Variants in RYR2 observed in about 807,000 individuals in gnomAD.
The protein encoded by RYR2 is ryanodine receptor 2.
Under a neutral mutation model 601.1 loss-of-function variants are expected in RYR2, and 227 were observed. That is an observed-to-expected ratio of 0.38 (90% CI 0.34 to 0.42). The LOEUF is 0.42. Ranked by LOEUF, RYR2 falls within the 10% of genes least tolerant of loss-of-function variation. The pLI is 1.00. For synonymous variants in RYR2, 2,223 were observed against 2,175.1 expected (o/e 1.02, Z -0.61); for missense variants, 4,646 against 6,156.5 (o/e 0.75, Z 8.21).
At chr1:237,534,822 G>T (rs1378019829) in intron 25 of RYR2, among the ~76,000 whole-genome samples, 1 of 151,526 alleles carries the variant, frequency 6.6e-6, no homozygotes, top group Non-Finnish European at 1.5e-5. Context: ...TTAATATTTT[G>T]GTTTCATTTA....
intron 1 of RYR2, among the ~76,000 whole-genome samples, chr1:237,125,226 G>A (rs1390298581): frequency 5.3e-5 from 8 of 152,090 alleles, no homozygotes; most frequent in African/African-American, 1.9e-4. Flanking sequence ...CTGTGGAGAA[G>A]GTATTTTTAA....
In RYR2 at chr1:237,330,973, A is replaced by G. The variant is rs148850606; in HGVS notation, c.264A>G (p.Lys88=). ...LQEMLANTVE[K]SEGQVDVEKW... Reference sequence around the variant, plus strand: ...AGATGCTGGCTAACACCGTGGAGAAATCAGAAGGGGCAAGTACCCAATTTA... The same window carrying G: ...AGATGCTGGCTAACACCGTGGAGAAGTCAGAAGGGGCAAGTACCCAATTTA... The change falls in exon 3 of 105, where the codon AAA becomes AAG. Residue 88 remains lysine (K), a synonymous_variant. Transcript: ENST00000366574. The G allele has an allele frequency of 6.2e-7, 1 of 1,613,820 alleles. No homozygotes were observed. Among genetic ancestry groups the G allele is most frequent in the African/African-American group, 1.3e-5 (1 of 75,048 alleles).
rs1409270851 is a variant in RYR2 at position 237,106,367 on chromosome 1, G to T, written c.48+63798G>T. Among the ~76,000 whole-genome samples, 1 of 152,094 alleles carries T rather than the reference G, an allele frequency of 6.6e-6. No individual in the cohort carries two copies. Among genetic ancestry groups the T allele is most frequent in the African/African-American group, 2.4e-5 (1 of 41,412 alleles). Reference sequence around the variant, plus strand: ...GGTGGCACCGAGCAGCAGGACCCTGGATATTTTTTTGGACATAGAGCCAGG... The same window carrying T: ...GGTGGCACCGAGCAGCAGGACCCTGTATATTTTTTTGGACATAGAGCCAGG... On this transcript the variant is annotated intron_variant, in intron 1 of 104. Coordinates refer to ENST00000366574, the MANE Select transcript of RYR2 (RefSeq NM_001035.3). The surrounding 1 kb of genome is among the most constrained non-coding windows in gnomAD (Gnocchi z 4.4).
At chr1:237,151,302 TC>T (rs1412365946) in intron 1 of RYR2, among the ~76,000 whole-genome samples, 1 of 152,170 alleles carries the variant, frequency 6.6e-6, no homozygotes, top group Non-Finnish European at 1.5e-5. Flanking sequence ...ATGTGCCTGT[TC>T]CAGTAATGGA....
At chr1:237,299,656 C>A (rs1693155119) in intron 2 of RYR2, among the ~76,000 whole-genome samples, 1 of 152,064 alleles carries the variant, frequency 6.6e-6, no homozygotes, top group South Asian at 2.1e-4. Context: ...ATACTGCCGG[C>A]TAATAAAAAG....
intron 91 of RYR2, 102 bp downstream of exon 91, chr1:237,786,138 G>A (rs1184311496): frequency 2.7e-6 from 2 of 740,896 alleles, no homozygotes; most frequent in African/African-American, 1.8e-5. Flanking sequence ...ATCTCATATT[G>A]TCAAGGAGCC....
intron 36 of RYR2, 140 bp from the exon 37 acceptor site, chr1:237,613,899 A>G (rs1275503562): frequency 1.4e-6 from 1 of 730,256 alleles, no homozygotes; most frequent in Non-Finnish European, 2.2e-6. Flanking sequence ...AGCATTTCAG[A>G]TTAGGGATGT....
intron 2 of RYR2, among the ~76,000 whole-genome samples, chr1:237,277,904 ATGTT>A (rs1401430255): frequency 6.6e-6 from 1 of 152,130 alleles, no homozygotes; most frequent in African/African-American, 2.4e-5. Context: ...CCTTAACACT[ATGTT>A]TATTTGCTAT....
intron 29 of RYR2, among the ~76,000 whole-genome samples, chr1:237,580,155 C>CTTTTTTTT (rs58145628): frequency 0.015 from 1,756 of 116,410 alleles, 63 homozygotes; most frequent in East Asian, 0.033. Context: ...CACAACAATT[C>CTTTTTTTT]TTTTTTTTTT....
At chr1:237,782,423 G>A (rs1353252355) in intron 89 of RYR2, among the ~76,000 whole-genome samples, 1 of 152,154 alleles carries the variant, frequency 6.6e-6, no homozygotes, top group Admixed American at 6.5e-5. Context: ...TTGGTATTAC[G>A]GTGCCTATCA....
rs557950323 is a variant in RYR2, at chr1:237,364,224, G to GT, written c.295-125dup. On this transcript the variant is annotated intron_variant, in intron 4 of 104. Transcript: ENST00000366574. ...GTTTTGTTGCGATAACATGGTGAAT[G>GT]TTTTTTTTTATGTTTATTGTTTACA... The GT allele has an allele frequency of 5.9e-3, 4,077 of 688,304 alleles. 4 individuals are homozygous for GT. Among genetic ancestry groups the GT allele is most frequent in the Non-Finnish European group, 7.2e-3 (3,220 of 446,758 alleles). 42.6% of individuals were successfully genotyped at this position (688,304 alleles called of 1,614,324 possible).
At chr1:237,360,846 G>C (rs1699721197) in intron 4 of RYR2, among the ~76,000 whole-genome samples, 2 of 152,242 alleles carry the variant, frequency 1.3e-5, no homozygotes, top group Middle Eastern at 6.8e-3. Context: ...ATTTTTAGCA[G>C]GGGAATCCTG....
chr1:237,613,854 G>T (rs1042941309), intron 36 of RYR2, among the ~76,000 whole-genome samples, 185 bp from the exon 37 acceptor site: 1 of 152,148 alleles, frequency 6.6e-6, no homozygotes, highest in East Asian at 1.9e-4. Flanking sequence ...TTCAAAGTCT[G>T]AATAAAGTCC....
intron 66 of RYR2, among the ~76,000 whole-genome samples, chr1:237,702,427 A>G (rs1424609513): frequency 6.6e-6 from 1 of 152,108 alleles, no homozygotes; most frequent in Non-Finnish European, 1.5e-5. Flanking sequence ...CATGTTCTCA[A>G]GTTTCAGGAT....
At chr1:237,623,964 G>T in intron 39 of RYR2, 94 bp downstream of exon 39, 1 of 769,702 alleles carries the variant, frequency 1.3e-6, no homozygotes, top group Non-Finnish European at 2.2e-6. Flanking sequence ...ATATTTTCAC[G>T]AATACACACG....
chr1:237,165,975 G>A lies in RYR2; in HGVS notation c.49-104522G>A, dbSNP rs539086012. Reference sequence around the variant, plus strand: ...GCTGCTGCTGCACTCCAGCCTGAGTGACAGAGCAAAATCCTGTCTCCAAAA... The same window carrying A: ...GCTGCTGCTGCACTCCAGCCTGAGTAACAGAGCAAAATCCTGTCTCCAAAA... On this transcript the variant is annotated intron_variant, in intron 1 of 104. Coordinates refer to ENST00000366574, the MANE Select transcript of RYR2 (RefSeq NM_001035.3). Among the ~76,000 whole-genome samples the A allele has an allele frequency of 7.9e-4, 120 of 152,226 alleles. 1 individual carries two copies. In the Middle Eastern group the frequency reaches 0.017, roughly 22 times the overall value.
chr1:237,346,384 A>AAAAAAAAAAAAAAAT (rs1558659601), intron 3 of RYR2, among the ~76,000 whole-genome samples: 9 of 151,346 alleles, frequency 5.9e-5, no homozygotes, highest in African/African-American at 2.2e-4. Context: ...AAAAAAAAAA[A>AAAAAAAAAAAAAAAT]GTGCATATCC....
chr1:237,486,611 G>C (rs1662716451), intron 17 of RYR2, among the ~76,000 whole-genome samples: 2 of 152,156 alleles, frequency 1.3e-5, no homozygotes, highest in Non-Finnish European at 2.9e-5. Flanking sequence ...TTTGTTGTCA[G>C]GCCTCATTAA....
intron 38 of RYR2, among the ~76,000 whole-genome samples, chr1:237,619,486 G>A (rs370096938): frequency 6.6e-6 from 1 of 152,270 alleles, no homozygotes; most frequent in East Asian, 1.9e-4. Flanking sequence ...AAGAAAAGAT[G>A]AAGATGAATA....
Sources: allele counts gnomAD v4.1 joint callset (sites outside exome capture counted in the v4.1 genomes callset), GRCh38; gene constraint gnomAD v4.1.1; non-coding constraint Gnocchi (gnomAD v3.1); transcripts MANE v1.5; gene names NCBI Gene and HGNC (gene_info 2026-07-23, HGNC 2026-07-21).